CYGB: variants seen among roughly 807,000 people sequenced by gnomAD.
The protein encoded by CYGB is histoglobin.
Under a neutral mutation model 20.7 loss-of-function variants are expected in CYGB, and 13 were observed. The observed-to-expected ratio is 0.63, with a 90% CI of 0.41 to 1.00. CYGB has a LOEUF of 1.00. Among genes scored for constraint, CYGB ranks in the 50% least tolerant of loss-of-function variants. The pLI, the probability that CYGB is intolerant of heterozygous loss-of-function variation, is 0.00. For synonymous variants in CYGB, 93 were observed against 107.4 expected (o/e 0.87, Z 0.83); for missense variants, 218 against 257.2 (o/e 0.85, Z 1.04).
chr17:76,540,134 G>C (rs756997414), upstream of CYGB: 5 of 1,598,922 alleles, frequency 3.1e-6, no homozygotes, highest in Non-Finnish European at 4.3e-6. The surrounding 1 kb of genome is among the most constrained non-coding windows in gnomAD (Gnocchi z 5.0). Flanking sequence ...GGATGGGGCA[G>C]CTGCGCCATG....
chr17:76,535,803 A>G (rs1416180815), intron 1 of CYGB, among the ~76,000 whole-genome samples: 3 of 152,180 alleles, frequency 2.0e-5, no homozygotes, highest in South Asian at 2.1e-4. Context: ...GGGAGGTTCA[A>G]TGGTGTTCCA....
At chr17:76,547,921 CAT>C (rs1262566210) in intron 1 of CYGB, among the ~76,000 whole-genome samples, 5 of 146,040 alleles carry the variant, frequency 3.4e-5, no homozygotes, top group East Asian at 2.0e-4. Flanking sequence ...TTCACACACA[CAT>C]ACACATATAC....
At chr17:76,541,071 G>C (rs1245290716), upstream of CYGB, among the ~76,000 whole-genome samples, 1 of 152,212 alleles carries the variant, frequency 6.6e-6, no homozygotes, top group Non-Finnish European at 1.5e-5. Flanking sequence ...CCTGCGGGCA[G>C]GACGCTGTCT....
At chr17:76,542,393 C>G (rs1319631329), upstream of CYGB, among the ~76,000 whole-genome samples, 1 of 152,250 alleles carries the variant, frequency 6.6e-6, no homozygotes. Context: ...CATTTCTACT[C>G]TCCAGTCACA....
At chr17:76,541,395 G>A (rs551174685), upstream of CYGB, among the ~76,000 whole-genome samples, 4 of 152,278 alleles carry the variant, frequency 2.6e-5, no homozygotes, top group Non-Finnish European at 5.9e-5. Flanking sequence ...TGGCAGGAGG[G>A]TGTCTCCACA....
At chr17:76,540,632 C>A, upstream of CYGB, 1 of 1,545,692 alleles carries the variant, frequency 6.5e-7, no homozygotes, top group Non-Finnish European at 8.9e-7. This position sits in a 1 kb window ranked among gnomAD's most constrained non-coding sequence, Gnocchi z 5.0. Context: ...TGTGGCTGTG[C>A]ATGCCTGGGG....
intron 3 of CYGB, chr17:76,529,886 C>G: frequency 1.0e-6 from 1 of 985,234 alleles, no homozygotes; most frequent in Non-Finnish European, 1.2e-6. Context: ...GAGGACTCCA[C>G]TCTCTTGGGG....
At chr17:76,542,505 G>T (rs761270795), upstream of CYGB, 1 of 1,610,360 alleles carries the variant, frequency 6.2e-7, no homozygotes, top group East Asian at 2.2e-5. Context: ...CAGAAACATG[G>T]GAAGGTCGTG....
chr17:76,532,492 C>A (rs1218981199), intron 1 of CYGB, among the ~76,000 whole-genome samples: 3 of 151,964 alleles, frequency 2.0e-5, no homozygotes, highest in African/African-American at 7.3e-5. Context: ...TGACCCCCTG[C>A]CCTAGCTGGG....
At chr17:76,540,615 AGG>A (rs752832187), upstream of CYGB, 6 of 1,594,188 alleles carry the variant, frequency 3.8e-6, no homozygotes, top group African/African-American at 6.7e-5. This position sits in a 1 kb window ranked among gnomAD's most constrained non-coding sequence, Gnocchi z 5.0. Flanking sequence ...GGTGCTGCCA[AGG>A]AAGCTGTGGC....
chr17:76,542,507 A>G (rs536465154), upstream of CYGB: 3 of 1,612,412 alleles, frequency 1.9e-6, no homozygotes, highest in Admixed American at 3.3e-5. Context: ...GAAACATGGG[A>G]AGGTCGTGCC....
upstream of CYGB, chr17:76,540,626 GC>G (rs1165825110): frequency 6.4e-7 from 1 of 1,561,136 alleles, no homozygotes; most frequent in Non-Finnish European, 8.8e-7. This position sits in a 1 kb window ranked among gnomAD's most constrained non-coding sequence, Gnocchi z 5.0. Context: ...GGAAGCTGTG[GC>G]TGTGCATGCC....
At chr17:76,548,223 A>G (rs937688411) in intron 1 of CYGB, among the ~76,000 whole-genome samples, 2 of 152,126 alleles carry the variant, frequency 1.3e-5, no homozygotes, top group African/African-American at 4.8e-5. Flanking sequence ...ACACTTATAG[A>G]CACACATAGC....
chr17:76,535,143 C>T (rs2074901383), intron 1 of CYGB, among the ~76,000 whole-genome samples: 1 of 152,226 alleles, frequency 6.6e-6, no homozygotes, highest in South Asian at 2.1e-4. Context: ...GCCTCAGGCT[C>T]TAAAGCAACG....
chr17:76,532,172 A>G (rs2074852375), intron 1 of CYGB: 1 of 158,108 alleles, frequency 6.3e-6, no homozygotes, highest in African/African-American at 2.4e-5. Flanking sequence ...CCAAAGTGAA[A>G]CTCCTTAACC....
chr17:76,528,706 C>G lies in CYGB; in HGVS notation c.540-95G>C. The G allele has an allele frequency of 8.6e-7, 1 of 1,166,394 alleles. No homozygotes were observed. The highest frequency in any genetic ancestry group is 1.6e-5 in the African/African-American group (1 of 62,900). The allele number at this position is 1,166,394 out of a possible 1,614,324, so 72.3% of individuals were successfully genotyped here. A position where few individuals can be genotyped will look rare whatever the true frequency, so the allele number is the denominator to read the frequency against. Reference sequence around the variant, plus strand: ...GAGGACCTGGGGCTGGCGAGGCTCACTTCCTGCCAAGAGATCCGGCACAGT... The same window carrying G: ...GAGGACCTGGGGCTGGCGAGGCTCAGTTCCTGCCAAGAGATCCGGCACAGT... On this transcript the variant is annotated intron_variant, in intron 3 of 3. Transcript: ENST00000293230. This position sits in a 1 kb window ranked among gnomAD's most constrained non-coding sequence, Gnocchi z 5.8.
At chr17:76,545,156 C>T in intron 1 of CYGB, 2 of 456,720 alleles carry the variant, frequency 4.4e-6, no homozygotes, top group Non-Finnish European at 8.8e-6. Flanking sequence ...GCCTCTTATT[C>T]CCGGGGCCTC....
chr17:76,537,323 C>A, intron 1 of CYGB, 77 bp downstream of exon 1: 1 of 1,428,366 alleles, frequency 7.0e-7, no homozygotes, highest in Non-Finnish European at 9.2e-7. Flanking sequence ...GAGCTCGGAC[C>A]CGGGCCCAGC....
At chr17:76,549,496 A>C (rs1195062186) in intron 1 of CYGB, among the ~76,000 whole-genome samples, 1 of 152,204 alleles carries the variant, frequency 6.6e-6, no homozygotes, top group African/African-American at 2.4e-5. Context: ...ACTGTCCAAG[A>C]TGTCACCCTG....
Sources: gnomAD v4.1 joint callset for allele counts (sites outside exome capture counted in the v4.1 genomes callset) on GRCh38, gnomAD v4.1.1 for gene constraint, Gnocchi (gnomAD v3.1) non-coding constraint, MANE v1.5 for transcripts, NCBI Gene and HGNC (gene_info 2026-07-23, HGNC 2026-07-21) for gene names.